The following ATIC variants were observed in gnomAD, a reference collection of about 807,000 sequenced individuals.
The protein encoded by ATIC is bifunctional purine biosynthesis protein ATIC.
ATIC carries 64 observed loss-of-function variants against 72.5 expected under a neutral mutation model. The ratio of observed to expected loss-of-function variants is 0.88; its 90% CI spans 0.72 to 1.09. The LOEUF (loss-of-function observed/expected upper bound fraction) is 1.09, where lower values mean the gene tolerates loss of function less well. Among genes scored for constraint, ATIC ranks in the 50% least tolerant of loss-of-function variants. The pLI, the probability that ATIC is intolerant of heterozygous loss-of-function variation, is 0.00. For synonymous variants in ATIC, 281 were observed against 267.1 expected, an observed-to-expected ratio of 1.05 and a Z score of -0.51; for missense variants, 787 against 732.4, an observed-to-expected ratio of 1.07 and a Z score of -0.86.
At chr2:215,350,652 A>C (rs2053123454), downstream of ATIC, among the ~76,000 whole-genome samples, 1 of 152,170 alleles carries the variant, frequency 6.6e-6, no homozygotes, top group Non-Finnish European at 1.5e-5. Context: ...GCTGCATAAA[A>C]ATGTAGTCAA....
the ATIC span, chr2:215,361,440 G>C: frequency 1.2e-6 from 1 of 834,088 alleles, no homozygotes. Context: ...ACTTCCTCCA[G>C]AGCAAAGGGC....
intron 7 of ATIC, among the ~76,000 whole-genome samples, chr2:215,330,712 C>CTT (rs111990936): frequency 1.3e-4 from 19 of 140,888 alleles, no homozygotes; most frequent in African/African-American, 2.9e-4. Flanking sequence ...TTTCTCTTTT[C>CTT]TTTTTTTTTT....
chr2:215,367,790 C>T, the ATIC span: 1 of 1,469,118 alleles, frequency 6.8e-7, no homozygotes, highest in East Asian at 2.3e-5. Flanking sequence ...AAACATGCTT[C>T]CTTGGCACAT....
chr2:215,331,089 A>G (rs754552493), intron 7 of ATIC, among the ~76,000 whole-genome samples: 1 of 152,202 alleles, frequency 6.6e-6, no homozygotes, highest in Non-Finnish European at 1.5e-5. Flanking sequence ...TATGAACAAA[A>G]TTGCTATAAT....
chr2:215,367,798 CAT>C, the ATIC span: 2 of 1,518,922 alleles, frequency 1.3e-6, no homozygotes, highest in South Asian at 2.3e-5. Context: ...TTCCTTGGCA[CAT>C]GAGTGCATGC....
At chr2:215,351,315 G>C (rs2053128784), downstream of ATIC, among the ~76,000 whole-genome samples, 1 of 152,218 alleles carries the variant, frequency 6.6e-6, no homozygotes, top group African/African-American at 2.4e-5. Context: ...CTGACCCACA[G>C]ATACAGAGAG....
rs192390828 is a variant in ATIC at position 215,312,903 on chromosome 2, A to G, written c.146+279A>G. Among the ~76,000 whole-genome samples, 596 of 152,332 alleles carry G rather than the reference A, an allele frequency of 3.9e-3. 5 individuals carry two copies. The highest frequency in any genetic ancestry group is 0.013 in the African/African-American group (541 of 41,578). ...CACTTACGGTCAAGAGTTCGAGACCAGCCTGGCCAACATGGTGAAACCCGT... is the reference window on the plus strand; with the variant it reads ...CACTTACGGTCAAGAGTTCGAGACCGGCCTGGCCAACATGGTGAAACCCGT... On this transcript the variant is annotated intron_variant, in intron 2 of 15. Transcript: ENST00000236959.
chr2:215,328,410 T>G (rs879543615), intron 7 of ATIC, among the ~76,000 whole-genome samples: 1 of 152,110 alleles, frequency 6.6e-6, no homozygotes, highest in Non-Finnish European at 1.5e-5. Flanking sequence ...CCTGCCTGCC[T>G]CCTATCTGCC....
the ATIC span, among the ~76,000 whole-genome samples, chr2:215,365,328 T>C: frequency 3.5e-4 from 53 of 152,314 alleles, no homozygotes; most frequent in African/African-American, 1.2e-3. Context: ...TAACATTAAA[T>C]CATGACTCAT....
chr2:215,361,821 A>C, the ATIC span: 1 of 1,154,704 alleles, frequency 8.7e-7, no homozygotes. Context: ...CTTAAACTAT[A>C]TTATGGAATA....
chr2:215,326,061 G>C lies in ATIC; in HGVS notation c.454G>C (p.Val152Leu). The change falls in exon 6 of 16, where the codon GTG becomes CTG. Residue 152 changes from valine to leucine, a missense_variant. Transcript: ENST00000236959. The stretch of plus-strand genomic sequence containing the variant: ...AGTGGTGTGTGAACCAGAGGACTAT[G>C]TGGTGGTGTCCACGGAGATGCAGAG... Reference protein sequence around the residue: ...VTVVCEPEDYVVVSTEMQSSE... With the variant: ...VTVVCEPEDYLVVSTEMQSSE... 3 of 1,614,180 alleles carry C rather than the reference G, an allele frequency of 1.9e-6. No homozygotes were observed. Among genetic ancestry groups the C allele is most frequent in the Non-Finnish European group, 2.5e-6 (3 of 1,180,030 alleles).
chr2:215,344,915 C>T (rs1401384067), intron 13 of ATIC, 44 bp downstream of exon 13: 13 of 1,556,822 alleles, frequency 8.4e-6, no homozygotes, highest in African/African-American at 1.4e-5. Flanking sequence ...TGTTGTTTTA[C>T]GAAATGATAT....
the ATIC span, chr2:215,361,149 G>T: frequency 4.6e-6 from 1 of 219,434 alleles, no homozygotes; most frequent in African/African-American, 2.3e-5. Context: ...TGTTCCTACA[G>T]TATTGCGGGC....
At chr2:215,324,027 G>T (rs2052796642) in intron 4 of ATIC, among the ~76,000 whole-genome samples, 1 of 152,154 alleles carries the variant, frequency 6.6e-6, no homozygotes, top group African/African-American at 2.4e-5. Context: ...CTCCCAAAGT[G>T]CTGGGATTGC....
chr2:215,368,152 G>T, the ATIC span: 1 of 1,038,494 alleles, frequency 9.6e-7, no homozygotes. Context: ...AGGATTAAGA[G>T]GCATTCATCT....
Position 215,321,059 on chromosome 2 carries a change from C to G in ATIC, c.290+1328C>G, listed in dbSNP as rs113137246. Among the ~76,000 whole-genome samples, 775 of 152,278 alleles carry G rather than the reference C, an allele frequency of 5.1e-3. 6 individuals carry two copies. The highest frequency in any genetic ancestry group is 0.018 in the African/African-American group (740 of 41,556). ...GATTTGGAGAGGACACACATCCAAA[C>G]CATATTAATTGCCACATCCAATATT... On this transcript the variant is annotated intron_variant, in intron 4 of 15. Transcript: ENST00000236959.
chr2:215,361,847 G>C, the ATIC span: 2 of 1,363,586 alleles, frequency 1.5e-6, no homozygotes, highest in African/African-American at 2.9e-5. Flanking sequence ...TTTCACTTAA[G>C]TCATTTATGA....
intron 7 of ATIC, among the ~76,000 whole-genome samples, chr2:215,331,608 TC>T (rs1221534457): frequency 3.9e-5 from 6 of 152,086 alleles, no homozygotes; most frequent in Non-Finnish European, 5.9e-5. Context: ...GATCTCGAAC[TC>T]CTGACCTTGT....
At chr2:215,334,357 C>A (rs2052932118) in intron 9 of ATIC, among the ~76,000 whole-genome samples, 1 of 151,728 alleles carries the variant, frequency 6.6e-6, no homozygotes, top group Admixed American at 6.6e-5. Flanking sequence ...CCACACCTGG[C>A]TAATTTTTTT....
Sources: allele counts gnomAD v4.1 joint callset (sites outside exome capture counted in the v4.1 genomes callset), GRCh38; gene constraint gnomAD v4.1.1; transcripts MANE v1.5; gene names NCBI Gene and HGNC (gene_info 2026-07-23, HGNC 2026-07-21).